The following PSMA3 variants were observed in gnomAD, a reference collection of about 807,000 sequenced individuals.
PSMA3 encodes the protein proteasome 20S subunit alpha 3, also known as proteasome subunit alpha type-3.
Under a neutral mutation model 40.0 loss-of-function variants are expected in PSMA3, and 8 were observed. That is an observed-to-expected ratio of 0.20 (90% CI 0.12 to 0.36). The LOEUF is 0.36. Among genes scored for constraint, PSMA3 ranks in the 10% least tolerant of loss-of-function variants. The pLI is 1.00. For synonymous variants in PSMA3, 110 were observed against 100.0 expected (o/e 1.10, Z -0.59); for missense variants, 219 against 310.6 (o/e 0.70, Z 2.22).
chr14:58,271,030 A>G, intron 10 of PSMA3, 32 bp downstream of exon 10: 2 of 1,517,676 alleles, frequency 1.3e-6, no homozygotes, highest in Non-Finnish European at 1.8e-6. Context: ...TCTCTTGGCC[A>G]GGTACAGTCA....
chr14:58,255,555 G>A (rs990976438), intron 3 of PSMA3, among the ~76,000 whole-genome samples: 4 of 152,156 alleles, frequency 2.6e-5, no homozygotes, highest in African/African-American at 9.7e-5. Context: ...GATCACCTGA[G>A]GTCGAAAGTT....
At chr14:58,263,675 CA>C (rs1381373518) in intron 6 of PSMA3, 29 bp from the exon 7 acceptor site, 1 of 1,547,078 alleles carries the variant, frequency 6.5e-7, no homozygotes, top group Admixed American at 1.7e-5. Flanking sequence ...TGTACTAATT[CA>C]GTGATTATAT....
chr14:58,246,016 T>G (rs1889872529), intron 1 of PSMA3, among the ~76,000 whole-genome samples: 2 of 152,258 alleles, frequency 1.3e-5, no homozygotes, highest in South Asian at 4.1e-4. Flanking sequence ...TATTTCATTC[T>G]ACAAACCTTT....
intron 8 of PSMA3, chr14:58,268,883 T>G (rs948219943): frequency 6.6e-6 from 1 of 152,208 alleles, no homozygotes; most frequent in East Asian, 1.9e-4. Flanking sequence ...GTAAGGTATG[T>G]AACTCAGTGC....
chr14:58,257,086 AGT>A (rs764215479), intron 3 of PSMA3, among the ~76,000 whole-genome samples: 10 of 142,674 alleles, frequency 7.0e-5, no homozygotes, highest in Admixed American at 1.5e-4. Context: ...TAGGTGACAC[AGT>A]GAGACTCTGT....
chr14:58,259,234 T>C (rs949986040), intron 5 of PSMA3, among the ~76,000 whole-genome samples: 5 of 152,216 alleles, frequency 3.3e-5, no homozygotes, highest in African/African-American at 1.2e-4. Flanking sequence ...AACTGAGCTC[T>C]GAGTTCATCA....
intron 2 of PSMA3, among the ~76,000 whole-genome samples, chr14:58,251,106 AAAAG>A (rs1443947462): frequency 1.3e-4 from 20 of 152,196 alleles, no homozygotes; most frequent in African/African-American, 4.6e-4. Context: ...AAAATTAAAA[AAAAG>A]AAGAAAGAGA....
chr14:58,270,309 A>G, intron 8 of PSMA3, 109 bp from the exon 9 acceptor site: 1 of 1,442,944 alleles, frequency 6.9e-7, no homozygotes, highest in South Asian at 1.4e-5. Context: ...GTAATTTTAT[A>G]GATACTTTTA....
intron 8 of PSMA3, 95 bp from the exon 9 acceptor site, chr14:58,270,323 T>C: frequency 6.6e-7 from 1 of 1,514,300 alleles, no homozygotes; most frequent in Non-Finnish European, 8.9e-7. Context: ...ACTTTTATTA[T>C]GGATGGACAT....
In PSMA3 at chr14:58,244,876, C is replaced by G. The variant is rs200319799; in HGVS notation, c.-45C>G. The G allele has an allele frequency of 6.2e-7, 1 of 1,614,090 alleles. No homozygotes were observed. The highest frequency in any genetic ancestry group is 1.7e-5 in the Admixed American group (1 of 60,022). ...GCGGCATCCTGTGGTATAGGGGAAG[C>G]GCTCCGGGCCTGGAATCCCTACGCG... On this transcript the variant is annotated 5_prime_UTR_variant, in exon 1 of 11. Transcript: ENST00000216455.
intron 5 of PSMA3, chr14:58,258,274 CA>C (rs898008909): frequency 1.7e-4 from 51 of 304,312 alleles, no homozygotes; most frequent in Non-Finnish European, 2.3e-4. Flanking sequence ...CCTATCTCTA[CA>C]AAAAAAATTT....
intron 3 of PSMA3, among the ~76,000 whole-genome samples, 196 bp from the exon 4 acceptor site, chr14:58,257,549 G>C (rs1331304681): frequency 6.6e-6 from 1 of 151,668 alleles, no homozygotes; most frequent in Non-Finnish European, 1.5e-5. Context: ...AAGCAATGAA[G>C]TTATACTTAC....
At chr14:58,265,518 A>C (rs989623497) in intron 7 of PSMA3, 1 of 152,188 alleles carries the variant, frequency 6.6e-6, no homozygotes, top group African/African-American at 2.4e-5. Context: ...CTTTTAGAAT[A>C]CAACAGTAGA....
intron 5 of PSMA3, among the ~76,000 whole-genome samples, chr14:58,259,933 C>G (rs1205005765): frequency 6.6e-6 from 1 of 151,984 alleles, no homozygotes; most frequent in Non-Finnish European, 1.5e-5. Flanking sequence ...TGATTTTCTT[C>G]AAAGAAATGT....
At chr14:58,271,037 GTCA>G (rs1313325797) in intron 10 of PSMA3, 39 bp downstream of exon 10, 2 of 1,497,978 alleles carry the variant, frequency 1.3e-6, no homozygotes, top group Admixed American at 3.5e-5. Flanking sequence ...GCCAGGTACA[GTCA>G]GGGAATCACT....
chr14:58,263,014 A>C (rs1417766422), intron 6 of PSMA3, among the ~76,000 whole-genome samples: 8 of 121,748 alleles, frequency 6.6e-5, no homozygotes, highest in African/African-American at 2.5e-4. Context: ...ATGGAGTCTC[A>C]CTCTGTTGCC....
intron 8 of PSMA3, chr14:58,269,832 G>A (rs1890562330): frequency 6.6e-6 from 1 of 151,794 alleles, no homozygotes; most frequent in Non-Finnish European, 1.5e-5. Flanking sequence ...TCTTTATGAG[G>A]TATCTTTTAT....
chr14:58,265,192 G>A (rs1481994402), intron 7 of PSMA3: 1 of 152,256 alleles, frequency 6.6e-6, no homozygotes, highest in East Asian at 1.9e-4. Context: ...CCAGCCAGGA[G>A]TTGGGGGCTA....
intron 3 of PSMA3, among the ~76,000 whole-genome samples, chr14:58,252,591 G>A (rs543229604): frequency 3.3e-5 from 5 of 152,222 alleles, no homozygotes; most frequent in Middle Eastern, 3.4e-3. Flanking sequence ...ATCAGATAGC[G>A]AACACCTTTA....
Sources: allele counts gnomAD v4.1 joint callset (sites outside exome capture counted in the v4.1 genomes callset), GRCh38; gene constraint gnomAD v4.1.1; transcripts MANE v1.5; gene names NCBI Gene and HGNC (gene_info 2026-07-23, HGNC 2026-07-21).